Variants in ATP2B1 observed in about 807,000 individuals in gnomAD.
ATP2B1 encodes the protein ATPase plasma membrane Ca2+ transporting 1.
A neutral mutation model predicts 124.2 loss-of-function variants in ATP2B1; 14 were observed. The ratio of observed to expected loss-of-function variants is 0.11; its 90% CI spans 0.07 to 0.18. The LOEUF is 0.18. Ranked by LOEUF, ATP2B1 falls within the 10% of genes least tolerant of loss-of-function variation. The pLI is 1.00. For synonymous variants in ATP2B1, 449 were observed against 492.4 expected, an observed-to-expected ratio of 0.91 and a Z score of 1.17; for missense variants, 763 against 1,466.1, an observed-to-expected ratio of 0.52 and a Z score of 7.83.
intron 7 of ATP2B1, among the ~76,000 whole-genome samples, chr12:89,627,009 T>TA (rs1367493807): frequency 1.3e-5 from 2 of 152,208 alleles, no homozygotes; most frequent in Non-Finnish European, 2.9e-5. Flanking sequence ...ATATGACTCT[T>TA]AAATAAATGC....
intron 3 of ATP2B1, among the ~76,000 whole-genome samples, chr12:89,637,982 A>C (rs768706989): frequency 3.5e-4 from 53 of 152,120 alleles, no homozygotes; most frequent in Admixed American, 6.6e-4. Flanking sequence ...GACATATATC[A>C]TTTCATATAT....
intron 1 of ATP2B1, among the ~76,000 whole-genome samples, chr12:89,661,241 T>G (rs931826672): frequency 5.3e-5 from 8 of 152,224 alleles, no homozygotes; most frequent in African/African-American, 1.7e-4. Context: ...ATATGATACC[T>G]TAATCAGAGT....
chr12:89,640,146 AG>A (rs1214534226), intron 3 of ATP2B1, among the ~76,000 whole-genome samples: 1 of 152,226 alleles, frequency 6.6e-6, no homozygotes, highest in African/African-American at 2.4e-5. Context: ...TATACATAAA[AG>A]GGTATAGCAG....
At chr12:89,608,710 T>G (rs1877432439) in intron 15 of ATP2B1, among the ~76,000 whole-genome samples, 1 of 152,204 alleles carries the variant, frequency 6.6e-6, no homozygotes, top group Non-Finnish European at 1.5e-5. Context: ...TAACTGCCTT[T>G]CTGGTCAGCT....
At position 89,620,288 on chromosome 12, in the gene ATP2B1, C is replaced by T. The variant is rs565557903; in HGVS notation, c.1588-48G>A. On this transcript the variant is annotated intron_variant, in intron 10 of 20. Coordinates refer to ENST00000428670, the MANE Select transcript of ATP2B1 (RefSeq NM_001366521.1). ...AGCTAGTATCTCGTTTCTCTAAGAA[C>T]GTTTAATTTATAATGTAAAACAGAC... 62 of 1,588,722 alleles carry T rather than the reference C, an allele frequency of 3.9e-5. No homozygotes were observed. The South Asian group carries it at 5.2e-4, about 13-fold the overall frequency.
intron 1 of ATP2B1, among the ~76,000 whole-genome samples, chr12:89,704,333 C>T (rs1041177673): frequency 2.6e-5 from 4 of 152,134 alleles, no homozygotes; most frequent in Non-Finnish European, 4.4e-5. Flanking sequence ...ATTCACTCAG[C>T]TGTTAAGTAA....
At chr12:89,695,036 C>T (rs1890971544) in intron 1 of ATP2B1, among the ~76,000 whole-genome samples, 1 of 114,796 alleles carries the variant, frequency 8.7e-6, no homozygotes, top group Non-Finnish European at 1.7e-5. Flanking sequence ...CCAGCCTGGG[C>T]GACAAGAGCA....
intron 1 of ATP2B1, among the ~76,000 whole-genome samples, chr12:89,666,819 G>A (rs1209894816): frequency 1.3e-5 from 2 of 151,904 alleles, no homozygotes; most frequent in African/African-American, 4.8e-5. Flanking sequence ...GCTCTTTCCA[G>A]GGTCCTCAAG....
intron 1 of ATP2B1, among the ~76,000 whole-genome samples, chr12:89,673,943 T>C (rs1331549773): frequency 6.6e-6 from 1 of 152,234 alleles, no homozygotes; most frequent in East Asian, 1.9e-4. Context: ...AGTTGGGTTT[T>C]TCTAGCTCTT....
In ATP2B1 at chr12:89,621,733, T is replaced by C; in HGVS notation, c.1403A>G (p.Asn468Ser). Residue 468 changes from asparagine (N) to serine (S), a missense_variant, in exon 10 of 21, where the codon AAT becomes AGT. By Grantham distance (46) the Asn-to-Ser change is conservative (BLOSUM62 1). Coordinates refer to ENST00000428670, the MANE Select transcript of ATP2B1 (RefSeq NM_001366521.1). Reference protein sequence around the residue: ...RHLDACETMGNATAICSDKTG... With the variant: ...RHLDACETMGSATAICSDKTG... ...TTTATCTGAACAAATAGCTGTAGCA[T>C]TTCCCATGGTTTCACAAGCATCCAG... 1 of 1,608,630 alleles carries C rather than the reference T, an allele frequency of 6.2e-7. No homozygotes were observed. Among genetic ancestry groups the C allele is most frequent in the Non-Finnish European group, 8.5e-7 (1 of 1,177,274 alleles).
At position 89,590,416 on chromosome 12, in the gene ATP2B1, C is replaced by CT. The variant is rs77159805; in HGVS notation, c.*567dup. On this transcript the variant is annotated 3_prime_UTR_variant, in exon 21 of 21. Coordinates refer to ENST00000428670, the MANE Select transcript of ATP2B1 (RefSeq NM_001366521.1). ...TAGTACAGTTTCAATAGAAACACCC[C>CT]TTTTTTTTTTTTTCCTGAAAATACA... 303 of 141,526 alleles carry CT rather than the reference C, an allele frequency of 2.1e-3. No individual in the cohort carries two copies. Among genetic ancestry groups the CT allele is most frequent in the Middle Eastern group, 0.018 (5 of 274 alleles). The allele number at this position is 141,526 out of a possible 1,614,324, so 8.8% of individuals were successfully genotyped here. A position where few individuals can be genotyped will look rare whatever the true frequency, so the allele number is the denominator to read the frequency against.
At chr12:89,685,242 CAG>C (rs1889826798) in intron 1 of ATP2B1, among the ~76,000 whole-genome samples, 1 of 152,098 alleles carries the variant, frequency 6.6e-6, no homozygotes, top group Non-Finnish European at 1.5e-5. Context: ...CCTCTTGTAA[CAG>C]ACAACAGAAG....
intron 1 of ATP2B1, among the ~76,000 whole-genome samples, chr12:89,667,629 C>CT (rs1004602049): frequency 6.7e-4 from 102 of 152,298 alleles, no homozygotes; most frequent in African/African-American, 2.4e-3. Context: ...TGAGTAAACT[C>CT]TATGTCCAAG....
At chr12:89,678,885 G>A (rs562537249) in intron 1 of ATP2B1, among the ~76,000 whole-genome samples, 1 of 152,266 alleles carries the variant, frequency 6.6e-6, no homozygotes, top group South Asian at 2.1e-4. Context: ...CATCCACAGT[G>A]TTCGTAAAGT....
intron 11 of ATP2B1, among the ~76,000 whole-genome samples, chr12:89,618,168 T>A (rs1261474760): frequency 6.6e-6 from 1 of 152,124 alleles, no homozygotes; most frequent in Non-Finnish European, 1.5e-5. Context: ...ATTCTACTAC[T>A]TGAAGAAAAA....
intron 15 of ATP2B1, among the ~76,000 whole-genome samples, chr12:89,609,528 A>T (rs1186249803): frequency 2.6e-5 from 4 of 152,176 alleles, no homozygotes; most frequent in Non-Finnish European, 5.9e-5. Context: ...ATGGTATTCA[A>T]TTACTTTTTA....
intron 1 of ATP2B1, among the ~76,000 whole-genome samples, chr12:89,671,068 T>A (rs1003438227): frequency 3.3e-5 from 5 of 152,088 alleles, no homozygotes; most frequent in African/African-American, 4.8e-5. Context: ...TATATCAGGT[T>A]AAACCATATG....
intron 20 of ATP2B1, chr12:89,598,502 T>C: frequency 4.3e-6 from 6 of 1,400,166 alleles, no homozygotes; most frequent in Non-Finnish European, 4.8e-6. Context: ...GCCTGAACAA[T>C]GAATTCAAAC....
At chr12:89,698,159 C>G (rs73198566) in intron 1 of ATP2B1, among the ~76,000 whole-genome samples, 4,730 of 152,262 alleles carry the variant, frequency 0.031, 104 homozygotes, top group Non-Finnish European at 0.048. Flanking sequence ...CCAGCACAAA[C>G]ACAAATGCTT....
Sources: allele counts gnomAD v4.1 joint callset (sites outside exome capture counted in the v4.1 genomes callset), GRCh38; gene constraint gnomAD v4.1.1; transcripts MANE v1.5; gene names NCBI Gene and HGNC (gene_info 2026-07-23, HGNC 2026-07-21).